CLYBL: variants seen among roughly 807,000 people sequenced by gnomAD.
CLYBL encodes the protein citramalyl-CoA lyase, mitochondrial.
Under a neutral mutation model 38.9 loss-of-function variants are expected in CLYBL, and 31 were observed. The observed-to-expected ratio is 0.80, with a 90% CI of 0.60 to 1.08. CLYBL has a LOEUF of 1.08. Ranked by LOEUF, CLYBL falls within the 50% of genes least tolerant of loss-of-function variation. CLYBL has a pLI of 0.00. For synonymous variants in CLYBL, 171 were observed against 158.6 expected (o/e 1.08, Z -0.59); for missense variants, 434 against 411.6 (o/e 1.05, Z -0.47).
intron 1 of CLYBL, among the ~76,000 whole-genome samples, chr13:99,638,301 T>C (rs1025785366): frequency 6.6e-6 from 1 of 152,234 alleles, no homozygotes; most frequent in Non-Finnish European, 1.5e-5. Context: ...CTACTTGCTT[T>C]CTGTGGTTGA....
intron 1 of CLYBL, among the ~76,000 whole-genome samples, chr13:99,689,377 C>A (rs1019012518): frequency 6.6e-6 from 1 of 152,174 alleles, no homozygotes; most frequent in Non-Finnish European, 1.5e-5. Context: ...CAATCACAGA[C>A]AGGTTGTCCC....
chr13:99,644,738 C>T (rs2047151912), intron 1 of CLYBL, among the ~76,000 whole-genome samples: 1 of 152,168 alleles, frequency 6.6e-6, no homozygotes, highest in African/African-American at 2.4e-5. Flanking sequence ...TTTTAACTTT[C>T]AGCTCCCACA....
At chr13:99,633,684 T>G (rs2046981061) in intron 1 of CLYBL, among the ~76,000 whole-genome samples, 2 of 152,154 alleles carry the variant, frequency 1.3e-5, no homozygotes. Context: ...GTGGTGAGGC[T>G]TGTACAGCAC....
chr13:99,687,707 T>G (rs2047838665), intron 1 of CLYBL, among the ~76,000 whole-genome samples: 1 of 152,222 alleles, frequency 6.6e-6, no homozygotes, highest in Non-Finnish European at 1.5e-5. Context: ...TAATCAAATC[T>G]TCATTACATA....
At chr13:99,812,380 A>C (rs146941312) in intron 2 of CLYBL, among the ~76,000 whole-genome samples, 6 of 152,352 alleles carry the variant, frequency 3.9e-5, no homozygotes, top group Non-Finnish European at 7.3e-5. Flanking sequence ...GTTTGGGGTT[A>C]CAGAATTACA....
At chr13:99,706,191 A>G (rs1477087938) in intron 1 of CLYBL, among the ~76,000 whole-genome samples, 2 of 152,108 alleles carry the variant, frequency 1.3e-5, no homozygotes, top group African/African-American at 4.8e-5. Flanking sequence ...TGGCCTCCCA[A>G]AGTGCTGGCA....
rs147943619 is a variant in CLYBL at position 99,833,828 on chromosome 13, G to A, written c.250-25033G>A. ...AGTGAGTCTCCTTCCTCAGCCTCCC[G>A]AATAGCTGGGATTCAGGCACACACC... On this transcript the variant is annotated intron_variant, in intron 2 of 8. Coordinates refer to ENST00000339105, the MANE Select transcript of CLYBL (RefSeq NM_206808.5). 2.9e-4 allele frequency among the ~76,000 whole-genome samples: 43 copies of A among 150,558 alleles called. 1 individual carries two copies. In the East Asian group the frequency reaches 7.7e-3, roughly 27 times the overall value.
chr13:99,769,664 A>C (rs1195746395), intron 1 of CLYBL, among the ~76,000 whole-genome samples: 1 of 152,236 alleles, frequency 6.6e-6, no homozygotes, highest in East Asian at 1.9e-4. Context: ...AGCTGGCAAT[A>C]ATATGTTTTA....
At chr13:99,900,007 A>G (rs138536865), downstream of CLYBL, among the ~76,000 whole-genome samples, 1,830 of 151,824 alleles carry the variant, frequency 0.012, 37 homozygotes, top group African/African-American at 0.042. Flanking sequence ...GCTCACTGCA[A>G]CCTCTGCCTC....
At chr13:99,758,499 C>T (rs887200380) in intron 1 of CLYBL, among the ~76,000 whole-genome samples, 3 of 152,232 alleles carry the variant, frequency 2.0e-5, no homozygotes, top group Non-Finnish European at 2.9e-5. Flanking sequence ...TCCATCTTGT[C>T]ACCTGCTGCA....
Position 99,658,117 on chromosome 13 carries a change from C to T in CLYBL, c.62+51360C>T, listed in dbSNP as rs114455654. 2.5e-3 allele frequency among the ~76,000 whole-genome samples: 378 copies of T among 152,330 alleles called. 2 individuals are homozygous for T. Among genetic ancestry groups the T allele is most frequent in the African/African-American group, 8.9e-3 (369 of 41,576 alleles). ...CGTCATGGACAAAAGACGAGGATGC[C>T]AGTTCGATGTGCGAGCAGAAGGCCG... On this transcript the variant is annotated intron_variant, in intron 1 of 8. Coordinates refer to ENST00000339105, the MANE Select transcript of CLYBL (RefSeq NM_206808.5).
chr13:99,653,374 CAAA>C (rs570707225), intron 1 of CLYBL, among the ~76,000 whole-genome samples: 1 of 137,860 alleles, frequency 7.3e-6, no homozygotes, highest in Non-Finnish European at 1.6e-5. Context: ...GAGGACCGGC[CAAA>C]AAAAAAAAAG....
At chr13:99,842,717 A>G (rs980154045) in intron 2 of CLYBL, among the ~76,000 whole-genome samples, 1 of 151,558 alleles carries the variant, frequency 6.6e-6, no homozygotes, top group Non-Finnish European at 1.5e-5. Flanking sequence ...TTTTTTTAAA[A>G]AAAAAAGCAA....
intron 1 of CLYBL, among the ~76,000 whole-genome samples, chr13:99,649,177 C>A (rs533337355): frequency 6.6e-6 from 1 of 152,250 alleles, no homozygotes; most frequent in East Asian, 1.9e-4. Context: ...AGATGCTGCA[C>A]AGTCTGTCCC....
chr13:99,808,083 G>T (rs1464472688), intron 2 of CLYBL, among the ~76,000 whole-genome samples: 3 of 151,914 alleles, frequency 2.0e-5, no homozygotes, highest in African/African-American at 7.3e-5. Flanking sequence ...TGTTTTTGTT[G>T]TTGTTTGTTT....
At chr13:99,722,707 G>T (rs955832945) in intron 1 of CLYBL, among the ~76,000 whole-genome samples, 1 of 152,214 alleles carries the variant, frequency 6.6e-6, no homozygotes, top group African/African-American at 2.4e-5. Context: ...TACGTAGAGA[G>T]TTCCCAGTGA....
chr13:99,754,964 C>T (rs1168254851), intron 1 of CLYBL, among the ~76,000 whole-genome samples: 3 of 151,472 alleles, frequency 2.0e-5, no homozygotes, highest in Non-Finnish European at 4.4e-5. Context: ...GTGGCGCAAT[C>T]TCGCCTCACT....
intron 1 of CLYBL, among the ~76,000 whole-genome samples, chr13:99,696,804 A>G (rs1325160189): frequency 1.3e-5 from 2 of 150,688 alleles, no homozygotes; most frequent in Non-Finnish European, 3.0e-5. Context: ...AAACAAAACA[A>G]CCACAAAAAA....
downstream of CLYBL, chr13:99,896,163 C>G (rs139790653): frequency 0.045 from 6,880 of 151,576 alleles, 178 homozygotes; most frequent in African/African-American, 0.061. Flanking sequence ...GCCCTGCTCG[C>G]CCGCCCGCCG....
Sources: allele counts gnomAD v4.1 joint callset (sites outside exome capture counted in the v4.1 genomes callset), GRCh38; gene constraint gnomAD v4.1.1; transcripts MANE v1.5; gene names NCBI Gene and HGNC (gene_info 2026-07-23, HGNC 2026-07-21).